The following HMCN1 variants were observed in gnomAD, a reference collection of about 807,000 sequenced individuals.
The protein encoded by HMCN1 is hemicentin 1, also known as hemicentin-1.
Under a neutral mutation model 625.9 loss-of-function variants are expected in HMCN1, and 321 were observed. The observed-to-expected ratio is 0.51, with a 90% CI of 0.47 to 0.56. The LOEUF is 0.56. Among genes scored for constraint, HMCN1 ranks in the 20% least tolerant of loss-of-function variants. HMCN1 has a pLI of 0.00. For missense variants in HMCN1, 6,588 were observed against 6,887.3 expected, an observed-to-expected ratio of 0.96 and a Z score of 1.54; for synonymous variants, 2,425 against 2,417.6, an observed-to-expected ratio of 1.00 and a Z score of -0.09.
chr1:186,036,280 G>C (rs902127610), intron 36 of HMCN1, among the ~76,000 whole-genome samples: 2 of 152,074 alleles, frequency 1.3e-5, no homozygotes, highest in Non-Finnish European at 2.9e-5. Context: ...ACATACCCAA[G>C]ACTGGGCAAT....
intron 1 of HMCN1, among the ~76,000 whole-genome samples, chr1:185,745,285 C>A (rs147571104): frequency 8.5e-4 from 130 of 152,274 alleles, no homozygotes; most frequent in African/African-American, 3.0e-3. Context: ...CAGCCAAGTT[C>A]TAACTAGGGT....
At chr1:186,134,549 C>T (rs1223962948) in intron 86 of HMCN1, among the ~76,000 whole-genome samples, 1 of 152,078 alleles carries the variant, frequency 6.6e-6, no homozygotes, top group African/African-American at 2.4e-5. Flanking sequence ...GAGCATAAGT[C>T]AGAGTAATGC....
intron 1 of HMCN1, among the ~76,000 whole-genome samples, chr1:185,807,824 G>C (rs1034694400): frequency 6.6e-6 from 1 of 152,066 alleles, no homozygotes; most frequent in African/African-American, 2.4e-5. Context: ...AACAAATTAA[G>C]TGGTGTAACT....
chr1:185,982,422 C>CT (rs764074048), intron 18 of HMCN1, 33 bp downstream of exon 18: 21 of 1,550,580 alleles, frequency 1.4e-5, no homozygotes, highest in Non-Finnish European at 1.7e-5. Flanking sequence ...CATTCACATT[C>CT]TTTTGTGAGT....
In HMCN1 at chr1:186,178,546, G is replaced by C. The variant is rs1391785344; in HGVS notation, c.16074G>C (p.Glu5358Asp). Reference protein sequence around the residue: ...LGDGKSCAGLERLPNYGTQYS... With the variant: ...LGDGKSCAGLDRLPNYGTQYS... ...ACGGGAAATCTTGCGCTGGATTGGAGAGGCTGCCAAATTATGGCACTCAAT... is the reference window on the plus strand; with the variant it reads ...ACGGGAAATCTTGCGCTGGATTGGACAGGCTGCCAAATTATGGCACTCAAT... Residue 5358 changes from glutamate to aspartate, a missense_variant, in exon 104 of 107, where the codon GAG becomes GAC. Glu to Asp is a conservative substitution (Grantham distance 45). This residue lies in a region of HMCN1 where 1,954 missense variants were observed against 2,013.1 expected (regional missense o/e 0.97). Coordinates refer to ENST00000271588, the MANE Select transcript of HMCN1 (RefSeq NM_031935.3). The C allele has an allele frequency of 8.1e-6, 13 of 1,613,994 alleles. No individual in the cohort carries two copies. Among genetic ancestry groups the C allele is most frequent in the Non-Finnish European group, 1.1e-5 (13 of 1,180,004 alleles).
At chr1:186,180,537 T>G (rs1191965175) in intron 104 of HMCN1, among the ~76,000 whole-genome samples, 1 of 152,196 alleles carries the variant, frequency 6.6e-6, no homozygotes, top group African/African-American at 2.4e-5. Flanking sequence ...GCTTCCTGAT[T>G]AATAACCCAC....
At chr1:186,031,663 A>G (rs1655448679) in intron 36 of HMCN1, among the ~76,000 whole-genome samples, 1 of 151,736 alleles carries the variant, frequency 6.6e-6, no homozygotes, top group Admixed American at 6.6e-5. Context: ...TGTTTCCACA[A>G]GTCTTAGAGG....
chr1:185,952,776 C>A lies in HMCN1; in HGVS notation c.1829-9742C>A, dbSNP rs1362897368. Among the ~76,000 whole-genome samples the A allele has an allele frequency of 1.3e-5, 2 of 151,494 alleles. 1 individual carries two copies. The highest frequency in any genetic ancestry group is 4.9e-5 in the African/African-American group (2 of 40,978). ...AGGAGGAATGGAAGGTGGAAGCTTGCCCATAGTGAAGGAGGCAAGCCTAGA... is the reference window on the plus strand; with the variant it reads ...AGGAGGAATGGAAGGTGGAAGCTTGACCATAGTGAAGGAGGCAAGCCTAGA... On this transcript the variant is annotated intron_variant, in intron 11 of 106. Coordinates refer to ENST00000271588, the MANE Select transcript of HMCN1 (RefSeq NM_031935.3).
intron 106 of HMCN1, among the ~76,000 whole-genome samples, chr1:186,188,774 G>T (rs1653518030): frequency 6.6e-6 from 1 of 151,976 alleles, no homozygotes; most frequent in East Asian, 1.9e-4. Context: ...AAACCTATCT[G>T]CAATTGGTCT....
In HMCN1 at chr1:186,000,077, A is replaced by G; in HGVS notation, c.3907A>G (p.Asn1303Asp). The change falls in exon 26 of 107, where the codon AAT (asparagine) becomes GAT (aspartate). Residue 1303 changes from asparagine to aspartate, a missense_variant. This residue lies in a region of HMCN1 where 4,628 missense variants were observed against 4,853.1 expected (regional missense o/e 0.95). Coordinates refer to ENST00000271588, the MANE Select transcript of HMCN1 (RefSeq NM_031935.3). ...TAAACCAACCATCAAATGGTTACAC[A>G]ATGGTAGAGAGTTGACAGGCAGAGA... The part of the protein sequence containing the change: ...TPKPTIKWLH[N>D]GRELTGREPG... 2 of 1,612,928 alleles carry G rather than the reference A, an allele frequency of 1.2e-6. No homozygotes were observed. Among genetic ancestry groups the G allele is most frequent in the Non-Finnish European group, 1.7e-6 (2 of 1,179,290 alleles).
At chr1:186,018,977 T>G (rs1168268769) in intron 34 of HMCN1, among the ~76,000 whole-genome samples, 1 of 152,104 alleles carries the variant, frequency 6.6e-6, no homozygotes, top group Non-Finnish European at 1.5e-5. Flanking sequence ...AAGGAGTATC[T>G]ATGAATGTCA....
rs1443363082 is a variant in HMCN1 at position 185,922,589 on chromosome 1, T to C, written c.1021+90T>C. 7.9e-6 allele frequency: 10 copies of C among 1,261,524 alleles called. No homozygotes were observed. In the East Asian group the frequency reaches 2.3e-4, roughly 30 times the overall value. 78.1% of individuals were successfully genotyped at this position (1,261,524 alleles called of 1,614,324 possible). ...TGTCTATAATTTTATAATTTTGTAG[T>C]ATTCAATAAAATTGAGAAGCATAGC... On this transcript the variant is annotated intron_variant, in intron 7 of 106. Coordinates refer to ENST00000271588, the MANE Select transcript of HMCN1 (RefSeq NM_031935.3).
intron 1 of HMCN1, among the ~76,000 whole-genome samples, chr1:185,783,769 C>T (rs1657337472): frequency 6.6e-6 from 1 of 152,200 alleles, no homozygotes. Flanking sequence ...GGTGATGCCT[C>T]CCAGTTAGGC....
At chr1:185,765,207 A>C (rs952673213) in intron 1 of HMCN1, among the ~76,000 whole-genome samples, 1 of 152,214 alleles carries the variant, frequency 6.6e-6, no homozygotes, top group Admixed American at 6.5e-5. Context: ...GGAATAAGCC[A>C]TAGAGTAAAG....
chr1:186,103,858 A>G (rs1018796938), intron 69 of HMCN1, among the ~76,000 whole-genome samples, 190 bp downstream of exon 69: 1 of 152,196 alleles, frequency 6.6e-6, no homozygotes, highest in Non-Finnish European at 1.5e-5. Flanking sequence ...GCAGTATCAT[A>G]TTAAACTCCG....
intron 1 of HMCN1, among the ~76,000 whole-genome samples, chr1:185,774,858 G>C (rs1263087961): frequency 6.6e-6 from 1 of 152,096 alleles, no homozygotes; most frequent in East Asian, 1.9e-4. Flanking sequence ...AATTAATAAT[G>C]GTTAGAATAA....
chr1:185,975,739 G>T (rs1384616903), intron 15 of HMCN1, among the ~76,000 whole-genome samples: 1 of 151,960 alleles, frequency 6.6e-6, no homozygotes, highest in Admixed American at 6.6e-5. Flanking sequence ...ACTGATACAC[G>T]ATTTATTTAT....
chr1:185,859,677 A>G (rs1311668300), intron 2 of HMCN1, among the ~76,000 whole-genome samples: 1 of 151,744 alleles, frequency 6.6e-6, no homozygotes, highest in Non-Finnish European at 1.5e-5. Context: ...TATTATTATT[A>G]TTTTGAAATG....
chr1:186,059,520 A>G (rs1312655709), intron 46 of HMCN1, among the ~76,000 whole-genome samples: 2 of 152,068 alleles, frequency 1.3e-5, no homozygotes, highest in Non-Finnish European at 2.9e-5. Flanking sequence ...GAGTGAACAC[A>G]TGATAAGTAT....
Sources: gnomAD v4.1 joint callset for allele counts (sites outside exome capture counted in the v4.1 genomes callset) on GRCh38, gnomAD v4.1.1 for gene constraint, gnomAD v4.1.1 regional missense constraint, MANE v1.5 for transcripts, NCBI Gene and HGNC (gene_info 2026-07-23, HGNC 2026-07-21) for gene names.